Variants in MINDY3 observed in about 807,000 individuals in gnomAD.
MINDY3 encodes the protein MINDY lysine 48 deubiquitinase 3, also known as ubiquitin carboxyl-terminal hydrolase MINDY-3.
In MINDY3, 38 loss-of-function variants were observed where a neutral mutation model predicts 69.2. That is an observed-to-expected ratio of 0.55 (90% CI 0.42 to 0.72). The LOEUF is 0.72. MINDY3 is among the 30% of genes least tolerant of loss of function. MINDY3 has a pLI of 0.00. For synonymous variants in MINDY3, 192 were observed against 180.1 expected (o/e 1.07, Z -0.53); for missense variants, 522 against 519.0 (o/e 1.01, Z -0.06).
At chr10:15,848,328 T>C (rs779905025) in intron 1 of MINDY3, among the ~76,000 whole-genome samples, 6 of 152,190 alleles carry the variant, frequency 3.9e-5, no homozygotes, top group Non-Finnish European at 7.3e-5. Context: ...TGTCACATTC[T>C]ATAAGCTAAT....
intron 14 of MINDY3, 92 bp from the exon 15 acceptor site, chr10:15,779,233 G>T: frequency 1.9e-6 from 2 of 1,063,200 alleles, no homozygotes; most frequent in Non-Finnish European, 2.6e-6. Flanking sequence ...TAGCAAATAA[G>T]GTATTACATA....
At chr10:15,792,253 C>G (rs1234163677) in intron 11 of MINDY3, among the ~76,000 whole-genome samples, 2 of 152,100 alleles carry the variant, frequency 1.3e-5, no homozygotes, top group Non-Finnish European at 2.9e-5. Context: ...TTACTTCTGG[C>G]TCCCCAGTGG....
intron 8 of MINDY3, among the ~76,000 whole-genome samples, chr10:15,823,285 G>A (rs1839890582): frequency 6.6e-6 from 1 of 152,012 alleles, no homozygotes; most frequent in African/African-American, 2.4e-5. Context: ...GATTCCTCAG[G>A]GACCACAAGA....
chr10:15,841,840 A>C (rs1236611442), intron 3 of MINDY3, among the ~76,000 whole-genome samples: 1 of 151,750 alleles, frequency 6.6e-6, no homozygotes, highest in Non-Finnish European at 1.5e-5. Flanking sequence ...AATACTGAAA[A>C]ATGCAGAACT....
chr10:15,857,285 G>C (rs1834756561), intron 1 of MINDY3, among the ~76,000 whole-genome samples: 1 of 152,056 alleles, frequency 6.6e-6, no homozygotes, highest in Non-Finnish European at 1.5e-5. Flanking sequence ...ATGACTAGCT[G>C]AGTGACTCCA....
At chr10:15,815,423 G>A (rs940384219) in intron 10 of MINDY3, among the ~76,000 whole-genome samples, 9 of 152,134 alleles carry the variant, frequency 5.9e-5, no homozygotes, top group Non-Finnish European at 1.0e-4. Flanking sequence ...TTACATTCAC[G>A]AAACTTAGCA....
At chr10:15,782,552 A>G (rs112713843) in intron 13 of MINDY3, among the ~76,000 whole-genome samples, 75 of 152,282 alleles carry the variant, frequency 4.9e-4, no homozygotes, top group African/African-American at 1.8e-3. Flanking sequence ...TTGCTAAAGT[A>G]TATCTCCTTT....
chr10:15,841,980 T>TG (rs1256751641), intron 3 of MINDY3, among the ~76,000 whole-genome samples: 15 of 151,742 alleles, frequency 9.9e-5, no homozygotes, highest in African/African-American at 3.6e-4. Context: ...TTGAAACCTC[T>TG]ATTTTTTTTC....
In MINDY3 at chr10:15,834,533, A is replaced by G; in HGVS notation, c.650+10T>C. The G allele has an allele frequency of 6.3e-7, 1 of 1,594,598 alleles. No homozygotes were observed. Among genetic ancestry groups the G allele is most frequent in the African/African-American group, 1.3e-5 (1 of 74,460 alleles). ...TTCACATGAGGAGACAAGAGATTTT[A>G]GTTAATTACCTGCCATGTCCATATA... On this transcript the variant is annotated intron_variant, in intron 7 of 14. Coordinates refer to ENST00000277632, the MANE Select transcript of MINDY3 (RefSeq NM_024948.4).
At chr10:15,787,934 A>C (rs965582008) in intron 12 of MINDY3, among the ~76,000 whole-genome samples, 1 of 152,154 alleles carries the variant, frequency 6.6e-6, no homozygotes, top group African/African-American at 2.4e-5. Flanking sequence ...TAGAGTGAAT[A>C]CTTCAGTCCA....
chr10:15,860,387 G>A lies in MINDY3; in HGVS notation c.-88C>T. On this transcript the variant is annotated 5_prime_UTR_variant, in exon 1 of 15. Coordinates refer to ENST00000277632, the MANE Select transcript of MINDY3 (RefSeq NM_024948.4). The stretch of plus-strand genomic sequence containing the variant: ...GCAACTCCGGAAACAGCAGCTGCGG[G>A]ACGGCGGCGGCAAACGAATTGGAAG... 1.0e-6 allele frequency: 1 copy of A among 961,386 alleles called. No homozygotes were observed. The highest frequency in any genetic ancestry group is 1.4e-5 in the South Asian group (1 of 72,014). 59.6% of individuals were successfully genotyped at this position (961,386 alleles called of 1,614,324 possible). A position where few individuals can be genotyped will look rare whatever the true frequency, so the allele number is the denominator to read the frequency against.
intron 9 of MINDY3, among the ~76,000 whole-genome samples, chr10:15,821,202 G>A (rs979352214): frequency 2.0e-5 from 3 of 152,204 alleles, no homozygotes; most frequent in Non-Finnish European, 4.4e-5. Context: ...TTTTTTCAGT[G>A]TGAAATCATT....
chr10:15,832,236 A>G (rs1840519617), intron 8 of MINDY3, among the ~76,000 whole-genome samples: 1 of 152,152 alleles, frequency 6.6e-6, no homozygotes, highest in Non-Finnish European at 1.5e-5. Flanking sequence ...AGTAAGAAGT[A>G]TCAAGGACAG....
intron 1 of MINDY3, among the ~76,000 whole-genome samples, chr10:15,857,261 C>G (rs749736347): frequency 1.4e-4 from 21 of 152,160 alleles, no homozygotes; most frequent in Admixed American, 3.3e-4. Flanking sequence ...AGCACTCTTT[C>G]TTCCGACTTC....
intron 8 of MINDY3, among the ~76,000 whole-genome samples, chr10:15,832,809 T>C (rs959648573): frequency 5.9e-5 from 9 of 152,220 alleles, no homozygotes; most frequent in Non-Finnish European, 1.0e-4. Flanking sequence ...TACACATTTC[T>C]GAATTTGAGA....
At chr10:15,806,710 C>T (rs754673800) in intron 10 of MINDY3, among the ~76,000 whole-genome samples, 16 of 152,132 alleles carry the variant, frequency 1.1e-4, no homozygotes, top group South Asian at 2.1e-4. Flanking sequence ...TACAGCTGAT[C>T]GTCAACCTTT....
Position 15,816,904 on chromosome 10 carries a change from G to A in MINDY3, c.813C>T (p.Tyr271=), listed in dbSNP as rs751011612. The change falls in exon 10 of 15, where the codon TAC becomes TAT. Residue 271 remains tyrosine (Y), a synonymous_variant. Coordinates refer to ENST00000277632, the MANE Select transcript of MINDY3 (RefSeq NM_024948.4). The stretch of plus-strand genomic sequence containing the variant: ...AAATAGGGAATTTTGGAGATTTCAA[G>A]TAAGAACCAACCTAGAACAAATGTA... The part of the protein sequence containing the change: ...EALRYCKVGS[Y]LKSPKFPIWI... The A allele has an allele frequency of 1.2e-6, 2 of 1,611,998 alleles. No homozygotes were observed. The highest frequency in any genetic ancestry group is 1.7e-6 in the Non-Finnish European group (2 of 1,178,598).
chr10:15,825,329 CA>C (rs1840018732), intron 8 of MINDY3, among the ~76,000 whole-genome samples: 1 of 152,182 alleles, frequency 6.6e-6, no homozygotes, highest in South Asian at 2.1e-4. Flanking sequence ...CAAAAAAATT[CA>C]AATTACTTTG....
chr10:15,790,719 G>A (rs1039480493), intron 11 of MINDY3, among the ~76,000 whole-genome samples: 1 of 152,028 alleles, frequency 6.6e-6, no homozygotes, highest in Non-Finnish European at 1.5e-5. Flanking sequence ...AATTTTTTCT[G>A]GTTTATGAAT....
Sources: gnomAD v4.1 joint callset for allele counts (sites outside exome capture counted in the v4.1 genomes callset) on GRCh38, gnomAD v4.1.1 for gene constraint, MANE v1.5 for transcripts, NCBI Gene and HGNC (gene_info 2026-07-23, HGNC 2026-07-21) for gene names.